Variants in PDE1A observed in about 807,000 individuals in gnomAD.
The protein encoded by PDE1A is phosphodiesterase 1A.
Under a neutral mutation model 61.7 loss-of-function variants are expected in PDE1A, and 35 were observed. That is an observed-to-expected ratio of 0.57 (90% CI 0.43 to 0.75). The LOEUF is 0.75. Ranked by LOEUF, PDE1A falls within the 30% of genes least tolerant of loss-of-function variation. The probability of loss-of-function intolerance (pLI) is 0.00; values close to 1 mark genes in which losing one functional copy is unlikely to be tolerated. For missense variants in PDE1A, 597 were observed against 630.6 expected (o/e 0.95, Z 0.57); for synonymous variants, 232 against 213.2 (o/e 1.09, Z -0.77).
At chr2:182,600,680 C>G in the PDE1A span, among the ~76,000 whole-genome samples, 19 of 152,318 alleles carry the variant, frequency 1.2e-4, no homozygotes, top group East Asian at 1.9e-3. Context: ...TTAGCCCAGC[C>G]ATGCATTGAA....
chr2:182,326,999 G>A (rs1697087045), intron 1 of PDE1A, among the ~76,000 whole-genome samples: 2 of 152,184 alleles, frequency 1.3e-5, no homozygotes, highest in Non-Finnish European at 2.9e-5. Flanking sequence ...TATCTCAACA[G>A]AGATACCTGT....
intron 1 of PDE1A, among the ~76,000 whole-genome samples, chr2:182,271,683 T>C (rs1218815775): frequency 6.6e-6 from 1 of 152,138 alleles, no homozygotes; most frequent in Non-Finnish European, 1.5e-5. Flanking sequence ...TTCTGGTCAG[T>C]GTTAACCATC....
chr2:182,336,436 C>T (rs1455196385), intron 1 of PDE1A, among the ~76,000 whole-genome samples: 3 of 152,070 alleles, frequency 2.0e-5, no homozygotes, highest in African/African-American at 4.8e-5. Flanking sequence ...TACTATGCAG[C>T]CATAAAGAAG....
chr2:182,442,832 G>A (rs1005953169), intron 2 of PDE1A, among the ~76,000 whole-genome samples: 4 of 151,944 alleles, frequency 2.6e-5, no homozygotes, highest in Admixed American at 6.6e-5. Context: ...TTGAAATGTT[G>A]TATCTTACAA....
chr2:182,715,809 C>T, the PDE1A span, among the ~76,000 whole-genome samples: 1 of 152,258 alleles, frequency 6.6e-6, no homozygotes, highest in Non-Finnish European at 1.5e-5. Flanking sequence ...TAGCCTGATA[C>T]TGCAATCAGT....
chr2:182,402,587 T>C (rs986436686), intron 1 of PDE1A, among the ~76,000 whole-genome samples: 2 of 152,186 alleles, frequency 1.3e-5, no homozygotes, highest in African/African-American at 4.8e-5. Flanking sequence ...GAAGAAAACC[T>C]AGGCAATACC....
At chr2:182,406,833 A>G (rs930564128) in intron 1 of PDE1A, among the ~76,000 whole-genome samples, 2 of 152,082 alleles carry the variant, frequency 1.3e-5, no homozygotes, top group African/African-American at 4.8e-5. Flanking sequence ...TTTTAAAATT[A>G]TATTAATAAA....
chr2:182,699,591 G>T, the PDE1A span, among the ~76,000 whole-genome samples: 3 of 152,138 alleles, frequency 2.0e-5, no homozygotes, highest in Admixed American at 2.0e-4. Flanking sequence ...ACTATAGGAG[G>T]CTAGTTAGAG....
At chr2:182,321,874 T>A (rs1696718999) in intron 1 of PDE1A, among the ~76,000 whole-genome samples, 1 of 152,168 alleles carries the variant, frequency 6.6e-6, no homozygotes, top group Admixed American at 6.5e-5. Context: ...AAGAGTTTCA[T>A]GGCTAGGAAG....
At chr2:182,567,941 C>T in the PDE1A span, among the ~76,000 whole-genome samples, 5 of 151,480 alleles carry the variant, frequency 3.3e-5, no homozygotes, top group Middle Eastern at 3.4e-3. Context: ...TAGAGGCGCC[C>T]GCCACCACGC....
chr2:182,347,417 T>C (rs1409115196), intron 1 of PDE1A, among the ~76,000 whole-genome samples: 2 of 152,164 alleles, frequency 1.3e-5, no homozygotes, highest in Non-Finnish European at 2.9e-5. Flanking sequence ...GCTATGTTTC[T>C]GTATAACTCA....
At chr2:182,561,570 T>C in the PDE1A span, among the ~76,000 whole-genome samples, 3 of 152,174 alleles carry the variant, frequency 2.0e-5, no homozygotes, top group Non-Finnish European at 4.4e-5. Context: ...AACTTTAAAG[T>C]AGTTTTTTCC....
At chr2:182,433,831 C>T (rs886514178) in intron 2 of PDE1A, among the ~76,000 whole-genome samples, 2 of 152,040 alleles carry the variant, frequency 1.3e-5, no homozygotes, top group African/African-American at 4.8e-5. Flanking sequence ...GCATTTTGTG[C>T]CTTGAACACT....
chr2:182,398,929 G>A (rs980684940), intron 1 of PDE1A, among the ~76,000 whole-genome samples: 1 of 151,966 alleles, frequency 6.6e-6, no homozygotes, highest in African/African-American at 2.4e-5. Flanking sequence ...TTTTACCTAT[G>A]TAGTTCTTGG....
At chr2:182,441,402 A>C (rs1684784735) in intron 2 of PDE1A, among the ~76,000 whole-genome samples, 1 of 152,112 alleles carries the variant, frequency 6.6e-6, no homozygotes, top group Non-Finnish European at 1.5e-5. Context: ...TATTGAGGAT[A>C]ATAGGAGCCA....
chr2:182,447,591 A>G (rs747796827), intron 2 of PDE1A, among the ~76,000 whole-genome samples: 4 of 152,090 alleles, frequency 2.6e-5, no homozygotes, highest in Non-Finnish European at 5.9e-5. Flanking sequence ...TCTATAAGGC[A>G]CACATGCCTA....
intron 2 of PDE1A, among the ~76,000 whole-genome samples, chr2:182,449,703 C>T (rs1039883870): frequency 6.6e-6 from 1 of 152,024 alleles, no homozygotes; most frequent in Non-Finnish European, 1.5e-5. Flanking sequence ...TCCTAGTATT[C>T]ATAAAATCAG....
At chr2:182,673,017 T>C in the PDE1A span, among the ~76,000 whole-genome samples, 4 of 152,184 alleles carry the variant, frequency 2.6e-5, no homozygotes, top group African/African-American at 7.2e-5. Context: ...CACTCCAGGA[T>C]TGACTCTTAG....
At chr2:182,272,383 T>C (rs1328321915) in intron 1 of PDE1A, among the ~76,000 whole-genome samples, 1 of 152,176 alleles carries the variant, frequency 6.6e-6, no homozygotes, top group African/African-American at 2.4e-5. Flanking sequence ...TTTTCATTTT[T>C]TCACTGGGTC....
Sources: gnomAD v4.1 joint callset for allele counts (sites outside exome capture counted in the v4.1 genomes callset) on GRCh38, gnomAD v4.1.1 for gene constraint, MANE v1.5 for transcripts, NCBI Gene and HGNC (gene_info 2026-07-23, HGNC 2026-07-21) for gene names.